Variants in ZFTA observed in about 807,000 individuals in gnomAD.
ZFTA encodes the protein zinc finger translocation-associated protein.
ZFTA carries 35 observed loss-of-function variants against 41.8 expected under a neutral mutation model. The ratio of observed to expected loss-of-function variants is 0.84; its 90% confidence interval spans 0.64 to 1.11. The LOEUF is 1.11. ZFTA is among the 50% of genes most tolerant of loss of function. The pLI is 0.00. For missense variants in ZFTA, 964 were observed against 989.8 expected (o/e 0.97, Z 0.35); for synonymous variants, 514 against 436.4 (o/e 1.18, Z -2.22).
rs2014703203 is a variant in ZFTA at position 63,764,129 on chromosome 11, G to A, written c.1494C>T (p.Pro498=). The change falls in exon 4 of 5, where the codon CCC becomes CCT. Residue 498 remains proline, a synonymous_variant. Transcript: ENST00000433688. The part of the protein sequence containing the change: ...LALGPPRPES[P]QGPIPPGTAA... ...CAGTGCCGGGGGGGATGGGGCCCTGGGGGGACTCGGGGCGGGGCGGCCCCA... is the reference window on the plus strand; with the variant it reads ...CAGTGCCGGGGGGGATGGGGCCCTGAGGGGACTCGGGGCGGGGCGGCCCCA... The A allele has an allele frequency of 2.2e-5, 29 of 1,345,848 alleles. No homozygotes were observed. The highest frequency in any genetic ancestry group is 2.7e-5 in the Non-Finnish European group (28 of 1,054,810). 83.4% of individuals were successfully genotyped at this position (1,345,848 alleles called of 1,614,324 possible).
rs1187600712 is a variant in ZFTA at position 63,764,414 on chromosome 11, C to T, written c.1209G>A (p.Gly403=). 9 of 1,273,784 alleles carry T rather than the reference C, an allele frequency of 7.1e-6. No individual in the cohort carries two copies. Among genetic ancestry groups the T allele is most frequent in the Non-Finnish European group, 8.9e-6 (9 of 1,012,510 alleles). The allele number at this position is 1,273,784 out of a possible 1,614,324, so 78.9% of individuals were successfully genotyped here. A position where few individuals can be genotyped will look rare whatever the true frequency, so the allele number is the denominator to read the frequency against. ...ELEEGEGERA[G]VPGRSPRGRA... ...GGCCCCGCGGCGACCGGCCCGGGAC[C>T]CCCGCCCTCTCGCCCTCGCCCTCCT... The change falls in exon 4 of 5, where the codon GGG becomes GGA. Residue 403 remains glycine (G), a synonymous_variant. Coordinates refer to ENST00000433688, the MANE Select transcript of ZFTA (RefSeq NM_001144936.2).
intron 4 of ZFTA, 23 bp downstream of exon 4, chr11:63,764,015 C>T: frequency 7.6e-7 from 1 of 1,309,920 alleles, no homozygotes; most frequent in Non-Finnish European, 9.8e-7. Flanking sequence ...TCCCTCTCCG[C>T]CTGCTCTGGC....
In ZFTA at chr11:63,763,810, C is replaced by T. The variant is rs1262344922; in HGVS notation, c.1645G>A (p.Glu549Lys). 6 of 1,447,634 alleles carry T rather than the reference C, an allele frequency of 4.1e-6. No individual in the cohort carries two copies. In the South Asian group the frequency reaches 9.0e-5, roughly 22 times the overall value. 89.7% of individuals were successfully genotyped at this position (1,447,634 alleles called of 1,614,324 possible). The stretch of plus-strand genomic sequence containing the variant: ...CCCCCAGGCTCCTGGCCGTCCTCTT[C>T]GTCCTCCTCTTCTTCGGCGGGCCGC... ...LERPAEEEEDEEDGQEPGGLA... is the reference protein window; with the variant it reads ...LERPAEEEEDKEDGQEPGGLA... Residue 549 changes from glutamate to lysine, a missense_variant, in exon 5 of 5, where the codon GAA (glutamate) becomes AAA (lysine). Physicochemically the swap from Glu to Lys is moderately conservative, Grantham distance 56. Coordinates refer to ENST00000433688, the MANE Select transcript of ZFTA (RefSeq NM_001144936.2).
chr11:63,761,833 T>TG lies in ZFTA; in HGVS notation c.*1584dup, dbSNP rs1287644606. 1.3e-5 allele frequency: 2 copies of TG among 152,306 alleles called. No homozygotes were observed. The highest frequency in any genetic ancestry group is 2.9e-5 in the Non-Finnish European group (2 of 68,122). The allele number at this position is 152,306 out of a possible 1,614,324, so 9.4% of individuals were successfully genotyped here. ...GGCACTTGAACCTTAGGCTCTGGCC[T>TG]GGGGGTCAGGGATGAGAGGAGGGGC... is the stretch of plus-strand genomic sequence containing the variant. On this transcript the variant is annotated 3_prime_UTR_variant, in exon 5 of 5. Transcript: ENST00000433688.
In ZFTA at chr11:63,761,030, A is replaced by C. The variant is rs1315464636; in HGVS notation, c.*2388T>G. On this transcript the variant is annotated 3_prime_UTR_variant, in exon 5 of 5. Transcript: ENST00000433688. ...TGGCAGTGGGCTTGAGTGATTATAA[A>C]TTGGTTCCCCCAATTTGCCTACTGT... The C allele has an allele frequency of 6.6e-6, 1 of 152,082 alleles. No homozygotes were observed. The highest frequency in any genetic ancestry group is 2.4e-5 in the African/African-American group (1 of 41,394). The allele number at this position is 152,082 out of a possible 1,614,324, so 9.4% of individuals were successfully genotyped here. A position where few individuals can be genotyped will look rare whatever the true frequency, so the allele number is the denominator to read the frequency against.
At position 63,763,648 on chromosome 11, in the gene ZFTA, T is replaced by G; in HGVS notation, c.1807A>C (p.Met603Leu). 6.5e-7 allele frequency: 1 copy of G among 1,544,622 alleles called. No individual in the cohort carries two copies. The highest frequency in any genetic ancestry group is 1.7e-4 in the Middle Eastern group (1 of 5,954). ...YDGSRRGLVC[M>L]VCGGALATLK... ...GTGGCCAGCGCGCCCCCGCACACCA[T>G]ACACACCAGGCCGCGCCGGCTGCCG... is the stretch of plus-strand genomic sequence containing the variant. The change falls in exon 5 of 5, where the codon ATG becomes CTG. Residue 603 changes from methionine to leucine, a missense_variant. Met to Leu is a conservative substitution (Grantham distance 15, BLOSUM62 2). This residue lies in a region of ZFTA where 63 missense variants were observed against 97.8 expected (regional missense o/e 0.64). Coordinates refer to ENST00000433688, the MANE Select transcript of ZFTA (RefSeq NM_001144936.2).
rs1292877100 is a variant in ZFTA at position 63,764,296 on chromosome 11, C to G, written c.1327G>C (p.Gly443Arg). The G allele has an allele frequency of 2.8e-6, 4 of 1,422,402 alleles. No homozygotes were observed. Among genetic ancestry groups the G allele is most frequent in the Non-Finnish European group, 3.7e-6 (4 of 1,094,230 alleles). 88.1% of individuals were successfully genotyped at this position (1,422,402 alleles called of 1,614,324 possible). A position where few individuals can be genotyped will look rare whatever the true frequency, so the allele number is the denominator to read the frequency against. Residue 443 changes from glycine (G) to arginine (R), a missense_variant, in exon 4 of 5, where the codon GGG (glycine) becomes CGG (arginine). Physicochemically the swap from Gly to Arg is moderately radical, Grantham distance 125. Coordinates refer to ENST00000433688, the MANE Select transcript of ZFTA (RefSeq NM_001144936.2). The stretch of plus-strand genomic sequence containing the variant: ...ATCTTGAGCGAGGCCAGCGCGCCCC[C>G]GCACACCCCGCACACCAGGCCGCGC... ...GRRGLVCGVC[G>R]GALASLKMST...
At position 63,764,971 on chromosome 11, in the gene ZFTA, C is replaced by T; in HGVS notation, c.921G>A (p.Val307=). ...CGCTGAGCCCCAGGGAGCCAGGGTGCACCTCCAGCACGTGGGCACGGATGT... is the reference window on the plus strand; with the variant it reads ...CGCTGAGCCCCAGGGAGCCAGGGTGTACCTCCAGCACGTGGGCACGGATGT... ...LDDIRAHVLE[V]HPGSLGLSGP... is the part of the protein sequence containing the mutation. Residue 307 remains valine (V), a synonymous_variant, in exon 3 of 5, where the codon GTG becomes GTA. Transcript: ENST00000433688. 6.5e-7 allele frequency: 1 copy of T among 1,548,628 alleles called. No homozygotes were observed. Among genetic ancestry groups the T allele is most frequent in the Non-Finnish European group, 8.7e-7 (1 of 1,146,580 alleles).
At chr11:63,766,881 A>G (rs991671817) in intron 1 of ZFTA, among the ~76,000 whole-genome samples, 4 of 152,234 alleles carry the variant, frequency 2.6e-5, no homozygotes, top group Non-Finnish European at 5.9e-5. Flanking sequence ...AGGCCCCCAC[A>G]TGGGAGGGAT....
chr11:63,763,388 C>T lies in ZFTA; in HGVS notation c.*30G>A. 2.4e-6 allele frequency: 3 copies of T among 1,255,606 alleles called. No homozygotes were observed. In the South Asian group the frequency reaches 6.4e-5, roughly 27 times the overall value. 77.8% of individuals were successfully genotyped at this position (1,255,606 alleles called of 1,614,324 possible). ...GCGGGGCGGGGCCGATCCGACCCGA[C>T]CCGACCTGACCCGGGGGCCCGCTAG... On this transcript the variant is annotated 3_prime_UTR_variant, in exon 5 of 5. Transcript: ENST00000433688.
At position 63,763,378 on chromosome 11, in the gene ZFTA, TCCGACCCGAC is replaced by T. The variant is rs1261099932; in HGVS notation, c.*30_*39del. On this transcript the variant is annotated 3_prime_UTR_variant, in exon 5 of 5. Coordinates refer to ENST00000433688, the MANE Select transcript of ZFTA (RefSeq NM_001144936.2). ...CGAGCACAGGGCGGGGCGGGGCCGA[TCCGACCCGAC>T]CCGACCTGACCCGGGGGCCCGCTAG... is the stretch of plus-strand genomic sequence containing the variant. 3 of 1,215,842 alleles carry T rather than the reference TCCGACCCGAC, an allele frequency of 2.5e-6. No homozygotes were observed. Among genetic ancestry groups the T allele is most frequent in the African/African-American group, 3.3e-5 (2 of 60,976 alleles). The allele number at this position is 1,215,842 out of a possible 1,614,324, so 75.3% of individuals were successfully genotyped here. A position where few individuals can be genotyped will look rare whatever the true frequency, so the allele number is the denominator to read the frequency against.
chr11:63,764,751 A>G (rs559278214), intron 3 of ZFTA, 117 bp downstream of exon 3: 17 of 1,387,444 alleles, frequency 1.2e-5, no homozygotes, highest in Non-Finnish European at 1.6e-5. Flanking sequence ...ATGTGTGTGG[A>G]GCACCAGCTC....
rs1371965157 is a variant in ZFTA at position 63,766,289 on chromosome 11, A to C, written c.155T>G (p.Leu52Arg). 1 of 1,450,494 alleles carries C rather than the reference A, an allele frequency of 6.9e-7. No homozygotes were observed. The highest frequency in any genetic ancestry group is 2.6e-5 in the East Asian group (1 of 38,340). 89.9% of individuals were successfully genotyped at this position (1,450,494 alleles called of 1,614,324 possible). The change falls in exon 2 of 5, where the codon CTG becomes CGG. Residue 52 changes from leucine to arginine, a missense_variant. Leu to Arg is a moderately radical substitution (Grantham distance 102). This residue lies in a region of ZFTA where 111 missense variants were observed against 93.2 expected (regional missense o/e 1.19). Transcript: ENST00000433688. ...CCAGGACCCCAAGGCACCCCCTTCCAGCTGAAGATCTTGCCCTGAAGAAGG... is the reference window on the plus strand; with the variant it reads ...CCAGGACCCCAAGGCACCCCCTTCCCGCTGAAGATCTTGCCCTGAAGAAGG... Reference protein sequence around the residue: ...EEDEGGQDLQLEGGALGSWGS... With the variant: ...EEDEGGQDLQREGGALGSWGS...
Position 63,765,703 on chromosome 11 carries a change from C to T in ZFTA, c.637+104G>A. On this transcript the variant is annotated intron_variant, in intron 2 of 4. Coordinates refer to ENST00000433688, the MANE Select transcript of ZFTA (RefSeq NM_001144936.2). This position sits in a 1 kb window ranked among gnomAD's most constrained non-coding sequence, Gnocchi z 4.0. ...AAACAGACCCCACCCAGAGGAGGAG[C>T]AGTGCCTTGCTCAAGAACACCAGCT... 1 of 1,393,112 alleles carries T rather than the reference C, an allele frequency of 7.2e-7. No homozygotes were observed. Among genetic ancestry groups the T allele is most frequent in the Middle Eastern group, 2.6e-4 (1 of 3,822 alleles). 86.3% of individuals were successfully genotyped at this position (1,393,112 alleles called of 1,614,324 possible).
In ZFTA at chr11:63,765,280, G is replaced by A; in HGVS notation, c.638-26C>T. ...CTGAAAGGGTTGGAGGGAAGGAACT[G>A]AGACGCTGGCCCCACGGGAGCATAC... On this transcript the variant is annotated intron_variant, in intron 2 of 4. Transcript: ENST00000433688. This position sits in a 1 kb window ranked among gnomAD's most constrained non-coding sequence, Gnocchi z 4.0. 6 of 1,433,536 alleles carry A rather than the reference G, an allele frequency of 4.2e-6. No individual in the cohort carries two copies. Among genetic ancestry groups the A allele is most frequent in the Non-Finnish European group, 5.4e-6 (6 of 1,101,030 alleles). The allele number at this position is 1,433,536 out of a possible 1,614,324, so 88.8% of individuals were successfully genotyped here.
chr11:63,764,435 C>A lies in ZFTA; in HGVS notation c.1188G>T (p.Glu396Asp). Residue 396 changes from glutamate (E) to aspartate (D), a missense_variant, in exon 4 of 5, where the codon GAG becomes GAT. Glu to Asp is a conservative substitution (Grantham distance 45). Transcript: ENST00000433688. Reference protein sequence around the residue: ...GPAEEEEELEEGEGERAGVPG... With the variant: ...GPAEEEEELEDGEGERAGVPG... ...GGACCCCCGCCCTCTCGCCCTCGCC[C>A]TCCTCCAGCTCCTCCTCCTCCTCTG... The A allele has an allele frequency of 7.9e-7, 1 of 1,267,126 alleles. No individual in the cohort carries two copies. Among genetic ancestry groups the A allele is most frequent in the Non-Finnish European group, 9.9e-7 (1 of 1,006,018 alleles). The allele number at this position is 1,267,126 out of a possible 1,614,324, so 78.5% of individuals were successfully genotyped here.
chr11:63,764,146 G>A lies in ZFTA; in HGVS notation c.1477C>T (p.Pro493Ser), dbSNP rs532240968. Residue 493 changes from proline to serine, a missense_variant, in exon 4 of 5, where the codon CCC (proline) becomes TCC (serine). Pro to Ser is a moderately conservative substitution (Grantham distance 74). Coordinates refer to ENST00000433688, the MANE Select transcript of ZFTA (RefSeq NM_001144936.2). ...KAAHLLALGP[P>S]RPESPQGPIP... ...GGGCCCTGGGGGGACTCGGGGCGGG[G>A]CGGCCCCAGGGCCAGCAGGTGGGCG... 3,107 of 1,352,830 alleles carry A rather than the reference G, an allele frequency of 2.3e-3. 63 individuals are homozygous for A. In the African/African-American group the frequency reaches 0.044, roughly 19 times the overall value. 83.8% of individuals were successfully genotyped at this position (1,352,830 alleles called of 1,614,324 possible).
rs2014655452 is a variant in ZFTA, at chr11:63,762,269, CTGT to C, written c.*1146_*1148del. 6.6e-6 allele frequency: 1 copy of C among 151,616 alleles called. No homozygotes were observed. The highest frequency in any genetic ancestry group is 2.4e-5 in the African/African-American group (1 of 41,376). The allele number at this position is 151,616 out of a possible 1,614,324, so 9.4% of individuals were successfully genotyped here. ...GCACATAAGGGTGACTGGGTCAGCT[CTGT>C]CCCCGCCCCTCCCCCTTTCATATAA... On this transcript the variant is annotated 3_prime_UTR_variant, in exon 5 of 5. Coordinates refer to ENST00000433688, the MANE Select transcript of ZFTA (RefSeq NM_001144936.2).
chr11:63,768,547 G>C lies in ZFTA; in HGVS notation c.76C>G (p.Arg26Gly), dbSNP rs879079666. 4 of 1,121,262 alleles carry C rather than the reference G, an allele frequency of 3.6e-6. No individual in the cohort carries two copies. The highest frequency in any genetic ancestry group is 4.4e-6 in the Non-Finnish European group (4 of 914,320). The allele number at this position is 1,121,262 out of a possible 1,614,324, so 69.5% of individuals were successfully genotyped here. Residue 26 changes from arginine to glycine, a missense_variant, in exon 1 of 5, where the codon CGG becomes GGG. Coordinates refer to ENST00000433688, the MANE Select transcript of ZFTA (RefSeq NM_001144936.2). ...CCGGCGGGCGGCAGCCGTCGGCCCC[G>C]TGCCGAGGCCACTGCTGGCCCGGGG... ...GGPGPAVASARGRRLPPAGSS... is the reference protein window; with the variant it reads ...GGPGPAVASAGGRRLPPAGSS...
Sources: gnomAD v4.1 joint callset for allele counts (sites outside exome capture counted in the v4.1 genomes callset) on GRCh38, gnomAD v4.1.1 for gene constraint, gnomAD v4.1.1 regional missense constraint, Gnocchi (gnomAD v3.1) non-coding constraint, MANE v1.5 for transcripts, NCBI Gene and HGNC (gene_info 2026-07-23, HGNC 2026-07-21) for gene names.